Variants in RBMS3 observed in about 807,000 individuals in gnomAD.
RBMS3 encodes RNA binding motif single stranded interacting protein 3, also known as RNA-binding motif, single-stranded-interacting protein 3.
A neutral mutation model predicts 66.8 loss-of-function variants in RBMS3; 27 were observed. The observed-to-expected ratio is 0.40, with a 90% CI of 0.30 to 0.56. RBMS3 has a LOEUF of 0.56. RBMS3 is among the 20% of genes least tolerant of loss of function. The pLI is 0.40. For synonymous variants in RBMS3, 188 were observed against 183.0 expected (o/e 1.03, Z -0.22); for missense variants, 513 against 549.5 (o/e 0.93, Z 0.66).
intron 1 of RBMS3, among the ~76,000 whole-genome samples, chr3:29,306,495 G>A (rs1305010158): frequency 6.6e-6 from 1 of 151,886 alleles, no homozygotes; most frequent in African/African-American, 2.4e-5. Context: ...ATCAATTAGT[G>A]CCACTTGCAA....
In RBMS3 at chr3:29,541,335, G is replaced by A. The variant is rs967814234; in HGVS notation, c.308-45779G>A. Among the ~76,000 whole-genome samples the A allele has an allele frequency of 1.7e-4, 26 of 152,014 alleles. 1 individual carries two copies. Among genetic ancestry groups the A allele is most frequent in the Admixed American group, 1.5e-3 (23 of 15,278 alleles). ...ATCTCACAGTTTTTCTTCCCAAACCGGCTCTTCTTGGAAGCTTTCCTAACT... is the reference window on the plus strand; with the variant it reads ...ATCTCACAGTTTTTCTTCCCAAACCAGCTCTTCTTGGAAGCTTTCCTAACT... On this transcript the variant is annotated intron_variant, in intron 3 of 14. Coordinates refer to ENST00000383767, the MANE Select transcript of RBMS3 (RefSeq NM_001003793.3).
intron 1 of RBMS3, among the ~76,000 whole-genome samples, chr3:29,332,148 T>A (rs2035701767): frequency 6.6e-6 from 1 of 152,148 alleles, no homozygotes; most frequent in South Asian, 2.1e-4. Flanking sequence ...CTGTTTCAGT[T>A]TATTCAGCCC....
chr3:29,969,301 A>G (rs1057092321), intron 12 of RBMS3, among the ~76,000 whole-genome samples: 1 of 152,178 alleles, frequency 6.6e-6, no homozygotes, highest in African/African-American at 2.4e-5. Flanking sequence ...TGCTTAATTT[A>G]CCCTTCTAAA....
chr3:29,414,123 A>G (rs909026651), intron 1 of RBMS3, among the ~76,000 whole-genome samples: 2 of 152,184 alleles, frequency 1.3e-5, no homozygotes, highest in Admixed American at 6.5e-5. Flanking sequence ...TGTCCTTTCT[A>G]ATCACTGTTG....
At position 29,897,486 on chromosome 3, in the gene RBMS3, T is replaced by C. The variant is rs779831008; in HGVS notation, c.888+11T>C. ...GTCTCCACATACCAGGTATGTCCAA[T>C]TTACCTGCACCTTAGGAGATATCTT... On this transcript the variant is annotated intron_variant, in intron 9 of 14. Transcript: ENST00000383767. 8.8e-6 allele frequency: 14 copies of C among 1,596,992 alleles called. No individual in the cohort carries two copies. The highest frequency in any genetic ancestry group is 1.3e-5 in the African/African-American group (1 of 74,276).
At chr3:29,294,995 A>G (rs989936646) in intron 1 of RBMS3, among the ~76,000 whole-genome samples, 1 of 151,586 alleles carries the variant, frequency 6.6e-6, no homozygotes, top group African/African-American at 2.4e-5. Flanking sequence ...ACAAAACACA[A>G]TTTCCCTGTA....
At chr3:29,787,391 A>G (rs990582630) in intron 6 of RBMS3, among the ~76,000 whole-genome samples, 1 of 152,184 alleles carries the variant, frequency 6.6e-6, no homozygotes, top group African/African-American at 2.4e-5. Flanking sequence ...ATGCCTGTTT[A>G]TAGCAGCAAA....
intron 10 of RBMS3, among the ~76,000 whole-genome samples, chr3:29,921,086 G>A (rs905581593): frequency 3.3e-5 from 5 of 152,050 alleles, no homozygotes; most frequent in Admixed American, 6.6e-5. Context: ...TTTTGAGATG[G>A]AGTTTCACTC....
chr3:29,599,446 T>C (rs767034502), intron 4 of RBMS3, among the ~76,000 whole-genome samples: 1 of 147,872 alleles, frequency 6.8e-6, no homozygotes, highest in African/African-American at 2.5e-5. Flanking sequence ...AAAAAGTGAG[T>C]GGCGGTCTAA....
Position 29,517,826 on chromosome 3 carries a change from G to A in RBMS3, c.307+29327G>A, listed in dbSNP as rs75684118. 6.7e-3 allele frequency among the ~76,000 whole-genome samples: 1,014 copies of A among 152,292 alleles called. 24 individuals are homozygous for A. Among genetic ancestry groups the A allele is most frequent in the Admixed American group, 0.055 (834 of 15,292 alleles). On this transcript the variant is annotated intron_variant, in intron 3 of 14. Transcript: ENST00000383767. Reference sequence around the variant, plus strand: ...AAAAACCTATTGAAAGACAAAAATTGTAGTTGTGGGAAAAAAATGTCAAGG... The same window carrying A: ...AAAAACCTATTGAAAGACAAAAATTATAGTTGTGGGAAAAAAATGTCAAGG...
At chr3:29,345,785 C>T (rs905668135) in intron 1 of RBMS3, among the ~76,000 whole-genome samples, 2 of 151,986 alleles carry the variant, frequency 1.3e-5, no homozygotes, top group Non-Finnish European at 2.9e-5. Flanking sequence ...GATTGAAGTC[C>T]CGACACAGAT....
At chr3:29,763,829 G>T (rs566778827) in intron 6 of RBMS3, among the ~76,000 whole-genome samples, 10 of 151,926 alleles carry the variant, frequency 6.6e-5, no homozygotes, top group African/African-American at 1.9e-4. Context: ...GAAAAATTAC[G>T]TAAAGATTCA....
At chr3:29,807,521 A>G (rs1298019957) in intron 6 of RBMS3, among the ~76,000 whole-genome samples, 1 of 151,958 alleles carries the variant, frequency 6.6e-6, no homozygotes, top group Non-Finnish European at 1.5e-5. Flanking sequence ...ATATTTGTAC[A>G]AAGATATTCA....
At chr3:29,891,498 A>G (rs545472640) in intron 8 of RBMS3, among the ~76,000 whole-genome samples, 2 of 151,666 alleles carry the variant, frequency 1.3e-5, no homozygotes, top group South Asian at 2.1e-4. Context: ...GTAAAACTCT[A>G]ATTTGTTTTT....
chr3:29,745,835 C>G (rs1321504130), intron 5 of RBMS3, among the ~76,000 whole-genome samples: 2 of 151,906 alleles, frequency 1.3e-5, no homozygotes, highest in Non-Finnish European at 2.9e-5. Flanking sequence ...TGTTCTACCT[C>G]TCCCTACTGA....
At chr3:29,916,340 A>G (rs2060637644) in intron 10 of RBMS3, among the ~76,000 whole-genome samples, 1 of 151,930 alleles carries the variant, frequency 6.6e-6, no homozygotes, top group Non-Finnish European at 1.5e-5. Flanking sequence ...TCTCTTCTTT[A>G]ATTTGTTAAG....
rs545394040 is a variant in RBMS3, at chr3:29,546,541, T to C, written c.308-40573T>C. Among the ~76,000 whole-genome samples, 17 of 152,278 alleles carry C rather than the reference T, an allele frequency of 1.1e-4. No homozygotes were observed. In the South Asian group the frequency reaches 2.9e-3, roughly 26 times the overall value. On this transcript the variant is annotated intron_variant, in intron 3 of 14. Coordinates refer to ENST00000383767, the MANE Select transcript of RBMS3 (RefSeq NM_001003793.3). The stretch of plus-strand genomic sequence containing the variant: ...ACCTAAAACAAACAAACAAAAACAC[T>C]GGTGTGCTTACCTTAAAATAAACTT...
intron 1 of RBMS3, among the ~76,000 whole-genome samples, chr3:29,380,336 T>C (rs1047243360): frequency 6.6e-6 from 1 of 152,198 alleles, no homozygotes; most frequent in Non-Finnish European, 1.5e-5. Flanking sequence ...AATATGGTTA[T>C]TGGCATGGCA....
At chr3:29,457,037 A>G (rs73828665) in intron 2 of RBMS3, among the ~76,000 whole-genome samples, 5,466 of 152,210 alleles carry the variant, frequency 0.036, 304 homozygotes, top group African/African-American at 0.12. Context: ...ATGGGACAGC[A>G]CAGCCATGCT....
Sources: gnomAD v4.1 joint callset for allele counts (sites outside exome capture counted in the v4.1 genomes callset) on GRCh38, gnomAD v4.1.1 for gene constraint, MANE v1.5 for transcripts, NCBI Gene and HGNC (gene_info 2026-07-23, HGNC 2026-07-21) for gene names.